The following BMPR1B variants were observed in gnomAD, a reference collection of about 807,000 sequenced individuals.
BMPR1B encodes the protein bone morphogenetic protein receptor type-1B.
In BMPR1B, 12 loss-of-function variants were observed where a neutral mutation model predicts 59.1. That is an observed-to-expected ratio of 0.20 (90% CI 0.13 to 0.33). The LOEUF (loss-of-function observed/expected upper bound fraction) is 0.33. Among genes scored for constraint, BMPR1B ranks in the 10% least tolerant of loss-of-function variants. BMPR1B has a pLI of 1.00. For missense variants in BMPR1B, 550 were observed against 610.9 expected (o/e 0.90, Z 1.05); for synonymous variants, 237 against 207.3 (o/e 1.14, Z -1.23).
At chr4:95,035,961 G>A (rs186989434) in intron 3 of BMPR1B, among the ~76,000 whole-genome samples, 256 of 152,156 alleles carry the variant, frequency 1.7e-3, no homozygotes, top group Admixed American at 9.1e-3. Context: ...TTTTTCAGCA[G>A]AGTTTTGTGG....
intron 1 of BMPR1B, among the ~76,000 whole-genome samples, chr4:94,866,807 C>A (rs896889148): frequency 1.3e-5 from 2 of 152,148 alleles, no homozygotes; most frequent in South Asian, 2.1e-4. Context: ...TGGTCTCGAT[C>A]TCCTCACCTC....
chr4:95,150,678 T>A (rs1272671843), intron 11 of BMPR1B, among the ~76,000 whole-genome samples: 1 of 152,210 alleles, frequency 6.6e-6, no homozygotes, highest in Non-Finnish European at 1.5e-5. Flanking sequence ...AGTAGCTTTA[T>A]ATAAACAGCA....
At chr4:95,035,520 A>G (rs1429818407) in intron 3 of BMPR1B, among the ~76,000 whole-genome samples, 1 of 152,016 alleles carries the variant, frequency 6.6e-6, no homozygotes, top group East Asian at 1.9e-4. Flanking sequence ...TCTCAGCACC[A>G]TTTGTTGCAT....
chr4:94,871,268 A>G (rs931518137), intron 1 of BMPR1B, among the ~76,000 whole-genome samples: 1 of 152,230 alleles, frequency 6.6e-6, no homozygotes, highest in Non-Finnish European at 1.5e-5. Flanking sequence ...TGAGGATTAA[A>G]TAAGCTAATG....
At position 95,061,160 on chromosome 4, in the gene BMPR1B, AACACACACACACACACACAC is replaced by A. The variant is rs58119571; in HGVS notation, c.-17-43217_-17-43198del. 6.8e-3 allele frequency among the ~76,000 whole-genome samples: 969 copies of A among 142,656 alleles called. 6 individuals carry two copies. The highest frequency in any genetic ancestry group is 0.02 in the South Asian group (85 of 4,342). The allele number at this position is 142,656 out of a possible 152,430, so 93.6% of individuals were successfully genotyped here. A position where few individuals can be genotyped will look rare whatever the true frequency, so the allele number is the denominator to read the frequency against. ...GGAATTTTTGACTTGATTTAGAATAAACACACACACACACACACACACACACACACACACACACACACACA... is the reference window on the plus strand; with the variant it reads ...GGAATTTTTGACTTGATTTAGAATAAACACACACACACACACACACACACA... On this transcript the variant is annotated intron_variant, in intron 3 of 12. Transcript: ENST00000515059.
chr4:94,805,700 G>A (rs1009186723), intron 1 of BMPR1B, among the ~76,000 whole-genome samples: 10 of 152,142 alleles, frequency 6.6e-5, no homozygotes, highest in African/African-American at 1.2e-4. Context: ...TTACTAGGGG[G>A]TATAGTGTCA....
chr4:94,979,897 C>T (rs931258979), intron 2 of BMPR1B, among the ~76,000 whole-genome samples: 28 of 152,198 alleles, frequency 1.8e-4, no homozygotes, highest in African/African-American at 6.5e-4. Context: ...CTGCTCACTG[C>T]ATCTTATTAC....
rs181157587 is a variant in BMPR1B at position 94,974,243 on chromosome 4, G to T, written c.-112-21797G>T. 1.8e-4 allele frequency among the ~76,000 whole-genome samples: 28 copies of T among 151,976 alleles called. No homozygotes were observed. The East Asian group carries it at 5.0e-3, about 27-fold the overall frequency. On this transcript the variant is annotated intron_variant, in intron 2 of 12. Transcript: ENST00000515059. ...TCTTTCCAATTTATACGTGCTCTTT[G>T]TATTTTAAGGCCATTAACACTTTCT...
At chr4:94,942,061 A>G (rs956433319) in intron 2 of BMPR1B, among the ~76,000 whole-genome samples, 40 of 152,372 alleles carry the variant, frequency 2.6e-4, no homozygotes, top group African/African-American at 8.7e-4. Flanking sequence ...GCTTACCTGC[A>G]TATTGTAAAG....
chr4:95,135,746 C>T (rs1433145181), intron 10 of BMPR1B, among the ~76,000 whole-genome samples: 1 of 152,162 alleles, frequency 6.6e-6, no homozygotes, highest in Non-Finnish European at 1.5e-5. Context: ...TTCTTATCAG[C>T]TTAAGGAGAT....
intron 3 of BMPR1B, among the ~76,000 whole-genome samples, chr4:95,069,104 A>G (rs183691518): frequency 1.4e-3 from 214 of 152,332 alleles, no homozygotes; most frequent in Admixed American, 3.5e-3. Flanking sequence ...TTAAAGTTGC[A>G]ATTTCTAAGA....
intron 3 of BMPR1B, among the ~76,000 whole-genome samples, chr4:95,054,865 A>G (rs905851646): frequency 2.0e-5 from 3 of 152,198 alleles, no homozygotes; most frequent in Non-Finnish European, 4.4e-5. Context: ...TGACGAGGAT[A>G]GGCCTCATGT....
At chr4:94,971,485 A>T (rs1020150508) in intron 2 of BMPR1B, among the ~76,000 whole-genome samples, 4 of 152,150 alleles carry the variant, frequency 2.6e-5, no homozygotes, top group Non-Finnish European at 5.9e-5. Flanking sequence ...TAAACATACA[A>T]TATTTTAATT....
chr4:94,935,146 A>G (rs542368828), intron 2 of BMPR1B, among the ~76,000 whole-genome samples: 1 of 152,158 alleles, frequency 6.6e-6, no homozygotes, highest in South Asian at 2.1e-4. Context: ...TTGCTTCTCC[A>G]TTTTAAAGAC....
At chr4:95,071,059 G>A (rs1728242506) in intron 3 of BMPR1B, among the ~76,000 whole-genome samples, 1 of 152,086 alleles carries the variant, frequency 6.6e-6, no homozygotes, top group Non-Finnish European at 1.5e-5. Context: ...TTTCAAGTAA[G>A]ATTTTTGGTA....
rs28583284 is a variant in BMPR1B, at chr4:94,864,579, T to C, written c.-182-11252T>C. Among the ~76,000 whole-genome samples the C allele has an allele frequency of 7.5e-3, 1,137 of 152,302 alleles. 17 individuals are homozygous for C. The highest frequency in any genetic ancestry group is 0.026 in the African/African-American group (1,088 of 41,548). On this transcript the variant is annotated intron_variant, in intron 1 of 12. Coordinates refer to ENST00000515059, the MANE Select transcript of BMPR1B (RefSeq NM_001203.3). The stretch of plus-strand genomic sequence containing the variant: ...AGATCTTTTGATAAGGGCCAAGTAC[T>C]TATTAAAAAACAAATTGTATGTAAG...
At chr4:94,989,118 C>T (rs1269411726) in intron 2 of BMPR1B, among the ~76,000 whole-genome samples, 4 of 152,034 alleles carry the variant, frequency 2.6e-5, no homozygotes, top group African/African-American at 9.7e-5. Context: ...CGGCCGGGTG[C>T]GATGGCTCAC....
intron 3 of BMPR1B, among the ~76,000 whole-genome samples, chr4:94,998,616 G>C (rs1003819390): frequency 1.3e-5 from 2 of 152,002 alleles, no homozygotes; most frequent in Admixed American, 6.6e-5. Flanking sequence ...CAGGTGATCT[G>C]CCTGTCTCGG....
At chr4:94,824,282 A>T (rs912462150) in intron 1 of BMPR1B, among the ~76,000 whole-genome samples, 1 of 152,296 alleles carries the variant, frequency 6.6e-6, no homozygotes, top group African/African-American at 2.4e-5. Flanking sequence ...CCCCACCGTA[A>T]CTTTTTCCTT....
Sources: gnomAD v4.1 joint callset for allele counts (sites outside exome capture counted in the v4.1 genomes callset) on GRCh38, gnomAD v4.1.1 for gene constraint, MANE v1.5 for transcripts, NCBI Gene and HGNC (gene_info 2026-07-23, HGNC 2026-07-21) for gene names.